KCNMB2: variants seen among roughly 807,000 people sequenced by gnomAD.
KCNMB2 encodes the protein potassium calcium-activated channel subfamily M regulatory beta subunit 2, also known as calcium-activated potassium channel subunit beta-2.
KCNMB2 carries 9 observed loss-of-function variants against 24.5 expected under a neutral mutation model. That is an observed-to-expected ratio of 0.37 (90% CI 0.22 to 0.64). The LOEUF is 0.64. Ranked by LOEUF, KCNMB2 falls within the 30% of genes least tolerant of loss-of-function variation. The pLI, the probability that KCNMB2 is intolerant of heterozygous loss-of-function variation, is 0.63. For missense variants in KCNMB2, 226 were observed against 284.3 expected (o/e 0.79, Z 1.47); for synonymous variants, 109 against 104.4 (o/e 1.04, Z -0.27).
At chr3:178,694,627 G>C (rs571671545) in intron 1 of KCNMB2, among the ~76,000 whole-genome samples, 55 of 152,336 alleles carry the variant, frequency 3.6e-4, no homozygotes, top group African/African-American at 1.3e-3. Context: ...AGGGCCTACA[G>C]GCCCCATGCA....
Position 178,783,730 on chromosome 3 carries a change from G to A in KCNMB2, c.-67-23613G>A, listed in dbSNP as rs375074092. On this transcript the variant is annotated intron_variant, in intron 1 of 4. Transcript: ENST00000452583. ...GGTTTTCTAGATATACAATCATGTCGTCTGCAAACAGGGATAATTTGACTT... is the reference window on the plus strand; with the variant it reads ...GGTTTTCTAGATATACAATCATGTCATCTGCAAACAGGGATAATTTGACTT... Among the ~76,000 whole-genome samples the A allele has an allele frequency of 1.5e-3, 233 of 152,092 alleles. 3 individuals are homozygous for A. Among genetic ancestry groups the A allele is most frequent in the South Asian group, 0.011 (55 of 4,814 alleles).
rs566070275 is a variant in KCNMB2 at position 178,593,380 on chromosome 3, G to C, written c.-68+56669G>C. On this transcript the variant is annotated intron_variant, in intron 1 of 4. Transcript: ENST00000452583. Reference sequence around the variant, plus strand: ...TCTACAGGGACTAATCAAATGAAATGCATCTTGAAATCCACAATTAAACAT... The same window carrying C: ...TCTACAGGGACTAATCAAATGAAATCCATCTTGAAATCCACAATTAAACAT... 2.0e-5 allele frequency among the ~76,000 whole-genome samples: 3 copies of C among 152,156 alleles called. No individual in the cohort carries two copies. In the South Asian group the frequency reaches 6.2e-4, roughly 32 times the overall value.
chr3:178,747,612 A>G (rs776701084), intron 1 of KCNMB2, among the ~76,000 whole-genome samples: 2 of 152,230 alleles, frequency 1.3e-5, no homozygotes, highest in African/African-American at 2.4e-5. Flanking sequence ...AGCTAATAAG[A>G]ATCTACATCC....
At chr3:178,726,609 T>C (rs1029794728) in intron 1 of KCNMB2, among the ~76,000 whole-genome samples, 30 of 152,116 alleles carry the variant, frequency 2.0e-4, no homozygotes, top group African/African-American at 7.0e-4. Context: ...TTTTTAGATA[T>C]ACACTGCATC....
intron 1 of KCNMB2, among the ~76,000 whole-genome samples, chr3:178,663,648 T>C (rs1279222760): frequency 6.6e-6 from 1 of 152,188 alleles, no homozygotes; most frequent in East Asian, 1.9e-4. Context: ...GATTGAACTT[T>C]ACATAGCTGC....
At chr3:178,781,206 G>GAC (rs150172562) in intron 1 of KCNMB2, among the ~76,000 whole-genome samples, 21,625 of 151,888 alleles carry the variant, frequency 0.14, 1,853 homozygotes, top group Admixed American at 0.18. Context: ...TTATATATGT[G>GAC]ACACATTCTA....
chr3:178,696,671 G>A (rs962084722), intron 1 of KCNMB2, among the ~76,000 whole-genome samples: 5 of 151,880 alleles, frequency 3.3e-5, no homozygotes, highest in African/African-American at 7.3e-5. Flanking sequence ...TGATTCTCTA[G>A]CTCTTTCAGT....
chr3:178,691,719 C>T (rs543919284), intron 1 of KCNMB2, among the ~76,000 whole-genome samples: 25 of 152,212 alleles, frequency 1.6e-4, no homozygotes, highest in African/African-American at 4.8e-4. Context: ...AATGAACATA[C>T]GCATGCATGT....
chr3:178,719,299 G>A (rs1722720645), intron 1 of KCNMB2, among the ~76,000 whole-genome samples: 1 of 152,236 alleles, frequency 6.6e-6, no homozygotes, highest in South Asian at 2.1e-4. Context: ...AAACCCAAGG[G>A]AGTTGAATGA....
chr3:178,702,183 C>A (rs2108341393), intron 1 of KCNMB2, among the ~76,000 whole-genome samples: 1 of 148,562 alleles, frequency 6.7e-6, no homozygotes, highest in Middle Eastern at 3.5e-3. Flanking sequence ...ATCACAAGGA[C>A]AAAAAACCAA....
intron 1 of KCNMB2, among the ~76,000 whole-genome samples, chr3:178,735,424 T>C (rs958768758): frequency 1.3e-5 from 2 of 152,232 alleles, no homozygotes; most frequent in Non-Finnish European, 2.9e-5. Flanking sequence ...TAGAGCAGAT[T>C]ATCTGCATAA....
chr3:178,784,261 G>T (rs532120357), intron 1 of KCNMB2, among the ~76,000 whole-genome samples: 1 of 152,250 alleles, frequency 6.6e-6, no homozygotes, highest in Admixed American at 6.5e-5. Flanking sequence ...GTTGGAGGTA[G>T]CTATTACAAC....
intron 1 of KCNMB2, among the ~76,000 whole-genome samples, chr3:178,666,386 C>T (rs1418837694): frequency 6.6e-6 from 1 of 151,990 alleles, no homozygotes; most frequent in Admixed American, 6.6e-5. Flanking sequence ...CATAACAAAA[C>T]ATCTTTGTAG....
At chr3:178,579,085 C>T (rs1030949137) in intron 1 of KCNMB2, among the ~76,000 whole-genome samples, 15 of 152,092 alleles carry the variant, frequency 9.9e-5, no homozygotes, top group African/African-American at 3.4e-4. Flanking sequence ...TTCTAAGAAC[C>T]GCAACATGCT....
At chr3:178,699,696 A>G (rs1399344468) in intron 1 of KCNMB2, among the ~76,000 whole-genome samples, 1 of 152,216 alleles carries the variant, frequency 6.6e-6, no homozygotes, top group Non-Finnish European at 1.5e-5. Flanking sequence ...CAGAACTGAC[A>G]ATTCCCCTAG....
chr3:178,648,727 C>T (rs543064256), intron 1 of KCNMB2, among the ~76,000 whole-genome samples: 3 of 152,050 alleles, frequency 2.0e-5, no homozygotes, highest in South Asian at 4.1e-4. Flanking sequence ...TCCTTGCTGC[C>T]GTAACAAATA....
chr3:178,716,857 C>A (rs1722635252), intron 1 of KCNMB2, among the ~76,000 whole-genome samples: 1 of 152,098 alleles, frequency 6.6e-6, no homozygotes, highest in Non-Finnish European at 1.5e-5. Context: ...ATATTTCACC[C>A]CCAAGTCAGA....
chr3:178,565,988 A>T (rs1560110800), intron 1 of KCNMB2, among the ~76,000 whole-genome samples: 1 of 152,240 alleles, frequency 6.6e-6, no homozygotes, highest in Non-Finnish European at 1.5e-5. Flanking sequence ...TAGACAAACT[A>T]AATGATAGTA....
rs112454586 is a variant in KCNMB2 at position 178,563,277 on chromosome 3, G to A, written c.-68+26566G>A. 1.9e-3 allele frequency among the ~76,000 whole-genome samples: 297 copies of A among 152,314 alleles called. 4 individuals carry two copies. The highest frequency in any genetic ancestry group is 6.6e-3 in the African/African-American group (274 of 41,566). ...GATTAAATGAGTAAATATTTGTAAA[G>A]CACCTAAAGTAGTATCTGCACAGAG... is the stretch of plus-strand genomic sequence containing the variant. On this transcript the variant is annotated intron_variant, in intron 1 of 4. Coordinates refer to ENST00000452583, the MANE Select transcript of KCNMB2 (RefSeq NM_181361.3).
Sources: gnomAD v4.1 joint callset for allele counts (sites outside exome capture counted in the v4.1 genomes callset) on GRCh38, gnomAD v4.1.1 for gene constraint, MANE v1.5 for transcripts, NCBI Gene and HGNC (gene_info 2026-07-23, HGNC 2026-07-21) for gene names.